RIMS1: variants seen among roughly 807,000 people sequenced by gnomAD.
RIMS1 encodes the protein regulating synaptic membrane exocytosis 1.
RIMS1 carries 83 observed loss-of-function variants against 214.1 expected under a neutral mutation model. The ratio of observed to expected loss-of-function variants is 0.39; its 90% CI spans 0.32 to 0.47. The LOEUF is 0.47. Among genes scored for constraint, RIMS1 ranks in the 20% least tolerant of loss-of-function variants. The pLI, the probability that RIMS1 is intolerant of heterozygous loss-of-function variation, is 0.99. For synonymous variants in RIMS1, 793 were observed against 786.8 expected (o/e 1.01, Z -0.13); for missense variants, 2,050 against 2,161.8 (o/e 0.95, Z 1.03).
chr6:72,196,850 A>G (rs981694452), intron 6 of RIMS1, among the ~76,000 whole-genome samples: 1 of 2,532 alleles, frequency 3.9e-4, no homozygotes. Context: ...GCCATAAAGC[A>G]TCTTTGTGAA....
At chr6:72,255,427 C>T (rs1171382227) in intron 16 of RIMS1, among the ~76,000 whole-genome samples, 1 of 152,162 alleles carries the variant, frequency 6.6e-6, no homozygotes, top group Admixed American at 6.6e-5. Flanking sequence ...AAAACTTAAA[C>T]TTCCTAATGC....
intron 33 of RIMS1, among the ~76,000 whole-genome samples, 200 bp from the exon 34 acceptor site, chr6:72,400,296 A>G (rs1320458549): frequency 6.6e-6 from 1 of 152,170 alleles, no homozygotes; most frequent in African/African-American, 2.4e-5. Context: ...CCATCAGACT[A>G]AAATTATTGT....
intron 28 of RIMS1, among the ~76,000 whole-genome samples, chr6:72,332,731 C>T (rs1026785655): frequency 6.6e-6 from 1 of 151,222 alleles, no homozygotes; most frequent in Non-Finnish European, 1.5e-5. Flanking sequence ...GCTTGCTTGC[C>T]CTACCTCTCC....
At chr6:72,152,732 G>A (rs1466734929) in intron 4 of RIMS1, among the ~76,000 whole-genome samples, 2 of 103,258 alleles carry the variant, frequency 1.9e-5, no homozygotes, top group Non-Finnish European at 3.8e-5. Flanking sequence ...ATATATATAT[G>A]GAATATATGT....
intron 27 of RIMS1, among the ~76,000 whole-genome samples, chr6:72,310,568 G>A (rs2095460161): frequency 6.6e-6 from 1 of 151,964 alleles, no homozygotes; most frequent in Non-Finnish European, 1.5e-5. Context: ...GGTTTTGTAG[G>A]TAGCTGAAGA....
intron 2 of RIMS1, among the ~76,000 whole-genome samples, chr6:72,091,728 G>C (rs1836284728): frequency 6.6e-6 from 1 of 152,020 alleles, no homozygotes; most frequent in Admixed American, 6.5e-5. Flanking sequence ...CATATCCTGG[G>C]AGAAAGTTTC....
chr6:72,200,024 T>C (rs2051655477), intron 6 of RIMS1, among the ~76,000 whole-genome samples: 2 of 152,068 alleles, frequency 1.3e-5, no homozygotes, highest in African/African-American at 2.4e-5. Flanking sequence ...ATTTTTATCA[T>C]ATGCATGCAT....
At chr6:72,376,142 C>A (rs1013529905) in intron 29 of RIMS1, among the ~76,000 whole-genome samples, 1 of 152,158 alleles carries the variant, frequency 6.6e-6, no homozygotes, top group South Asian at 2.1e-4. Flanking sequence ...ATAATGCTTT[C>A]ACATTCTATT....
chr6:72,015,948 G>A (rs566433119), intron 2 of RIMS1, among the ~76,000 whole-genome samples: 1 of 152,080 alleles, frequency 6.6e-6, no homozygotes, highest in South Asian at 2.1e-4. Context: ...AGTATATTAG[G>A]TGCTTCTCAT....
At chr6:71,986,459 C>A (rs1202022372) in intron 2 of RIMS1, among the ~76,000 whole-genome samples, 1 of 152,044 alleles carries the variant, frequency 6.6e-6, no homozygotes, top group African/African-American at 2.4e-5. Flanking sequence ...TGAGTGATGG[C>A]AATGTGTGAT....
intron 8 of RIMS1, among the ~76,000 whole-genome samples, chr6:72,236,386 G>T (rs1313913950): frequency 6.6e-6 from 1 of 152,144 alleles, no homozygotes; most frequent in Admixed American, 6.6e-5. Flanking sequence ...TCCCAAAGGT[G>T]TCATTTTCTT....
chr6:72,280,024 G>C (rs376337388), intron 23 of RIMS1, among the ~76,000 whole-genome samples: 3 of 151,616 alleles, frequency 2.0e-5, no homozygotes, highest in Admixed American at 1.3e-4. Flanking sequence ...TTTGCTGAAG[G>C]CCAGAAAATT....
At chr6:72,318,779 G>A (rs2095976167) in intron 28 of RIMS1, among the ~76,000 whole-genome samples, 1 of 152,158 alleles carries the variant, frequency 6.6e-6, no homozygotes, top group South Asian at 2.1e-4. Context: ...CTCCTCACTA[G>A]ACCTGAAAGG....
chr6:71,972,360 G>C (rs567748314), intron 2 of RIMS1, among the ~76,000 whole-genome samples: 2 of 152,066 alleles, frequency 1.3e-5, no homozygotes, highest in East Asian at 3.9e-4. Context: ...AAAAGGAGAG[G>C]GTAAATGTAC....
rs143668239 is a variant in RIMS1 at position 71,974,418 on chromosome 6, T to G, written c.245+5355T>G. On this transcript the variant is annotated intron_variant, in intron 2 of 33. Transcript: ENST00000521978. ...TGGAGAAAATAAGCAACTCGTACCT[T>G]GGCTTTGGTTTTACTTTTAATACTG... is the stretch of plus-strand genomic sequence containing the variant. Among the ~76,000 whole-genome samples the G allele has an allele frequency of 2.3e-3, 351 of 152,236 alleles. 2 individuals are homozygous for G. Among genetic ancestry groups the G allele is most frequent in the African/African-American group, 7.7e-3 (321 of 41,522 alleles).
chr6:72,126,722 A>G (rs573903270), intron 4 of RIMS1: 35 of 253,954 alleles, frequency 1.4e-4, no homozygotes, highest in South Asian at 1.1e-3. Flanking sequence ...TAAAACAACA[A>G]TGATATACCA....
intron 1 of RIMS1, among the ~76,000 whole-genome samples, chr6:71,947,144 G>A (rs1258722127): frequency 6.6e-6 from 1 of 151,976 alleles, no homozygotes; most frequent in African/African-American, 2.4e-5. Flanking sequence ...GGTAACAAGT[G>A]TTGGCAAGGA....
chr6:72,340,665 A>G (rs904255471), intron 29 of RIMS1, among the ~76,000 whole-genome samples: 3 of 152,120 alleles, frequency 2.0e-5, no homozygotes, highest in Non-Finnish European at 2.9e-5. Context: ...TACCAGTACC[A>G]TGCTATTTTC....
chr6:72,196,493 ATATTTTAAAAATT>A (rs2050953722), intron 6 of RIMS1, among the ~76,000 whole-genome samples: 1 of 150,610 alleles, frequency 6.6e-6, no homozygotes, highest in Non-Finnish European at 1.5e-5. Context: ...TTAGCTACAT[ATATTTTAAAAATT>A]GTAACCTTAA....
Sources: allele counts gnomAD v4.1 joint callset (sites outside exome capture counted in the v4.1 genomes callset), GRCh38; gene constraint gnomAD v4.1.1; transcripts MANE v1.5; gene names NCBI Gene and HGNC (gene_info 2026-07-23, HGNC 2026-07-21).